The following CHD6 variants were observed in gnomAD, a reference collection of about 807,000 sequenced individuals.
CHD6 encodes the protein chromodomain helicase DNA binding protein 6, also known as ATP-dependent chromatin remodeler CHD6.
Under a neutral mutation model 276.9 loss-of-function variants are expected in CHD6, and 50 were observed. The observed-to-expected ratio is 0.18, with a 90% CI of 0.14 to 0.23. CHD6 has a LOEUF of 0.23. Ranked by LOEUF, CHD6 falls within the 10% of genes least tolerant of loss-of-function variation. CHD6 has a pLI of 1.00. For missense variants in CHD6, 2,564 were observed against 3,365.8 expected (o/e 0.76, Z 5.89); for synonymous variants, 1,173 against 1,229.3 (o/e 0.95, Z 0.96).
rs1409481828 is a variant in CHD6, at chr20:41,415,174, C to T, written c.6939+12G>A. 3.7e-6 allele frequency: 6 copies of T among 1,609,906 alleles called. No individual in the cohort carries two copies. Among genetic ancestry groups the T allele is most frequent in the Middle Eastern group, 1.6e-4 (1 of 6,068 alleles). Reference sequence around the variant, plus strand: ...AGGTAAATGTTTTTAATCTAATGACCTCAATACCCACCAAGATTCCCGCCT... The same window carrying T: ...AGGTAAATGTTTTTAATCTAATGACTTCAATACCCACCAAGATTCCCGCCT... On this transcript the variant is annotated intron_variant, in intron 34 of 36. Transcript: ENST00000373233.
chr20:41,583,458 AG>A (rs2045561671), intron 1 of CHD6, among the ~76,000 whole-genome samples: 1 of 152,152 alleles, frequency 6.6e-6, no homozygotes, highest in Non-Finnish European at 1.5e-5. Context: ...CAAAACAACC[AG>A]TTTTCAGATA....
chr20:41,609,861 T>C (rs1024263877), intron 1 of CHD6, among the ~76,000 whole-genome samples: 9 of 132,778 alleles, frequency 6.8e-5, no homozygotes, highest in African/African-American at 3.0e-4. Flanking sequence ...TTTTCTTTTT[T>C]TTTTTTTTTT....
Position 41,423,556 on chromosome 20 carries a change from C to T in CHD6, c.4491G>A (p.Gln1497=). 2 of 1,614,246 alleles carry T rather than the reference C, an allele frequency of 1.2e-6. No individual in the cohort carries two copies. Among genetic ancestry groups the T allele is most frequent in the Non-Finnish European group, 1.7e-6 (2 of 1,180,046 alleles). The change falls in exon 30 of 37, where the codon CAG becomes CAA. Residue 1497 remains glutamine, a synonymous_variant. Transcript: ENST00000373233. ...LDKKSDESLE[Q]YFYSFVAMCR... is the part of the protein sequence containing the mutation. ...ACATGGCCACAAAACTATAAAAATA[C>T]TGTTCCAGGCTCTCATCCGACTTCT...
rs867195927 is a variant in CHD6, at chr20:41,456,123, G to C, written c.2830-144C>G. 1.2e-4 allele frequency: 85 copies of C among 719,952 alleles called. No individual in the cohort carries two copies. In the Middle Eastern group the frequency reaches 3.0e-3, roughly 25 times the overall value. The allele number at this position is 719,952 out of a possible 1,614,324, so 44.6% of individuals were successfully genotyped here. On this transcript the variant is annotated intron_variant, in intron 18 of 36. Transcript: ENST00000373233. ...GGACGTGGGCAACAAACTTCAGCTA[G>C]TGAAATCCCAGATGCGATACTCTGG...
intron 2 of CHD6, 37 bp downstream of exon 2, chr20:41,551,268 C>T (rs1367422178): frequency 7.2e-7 from 1 of 1,386,568 alleles, no homozygotes; most frequent in South Asian, 1.2e-5. Context: ...ACCAAGATAC[C>T]CGGATGCATT....
At chr20:41,446,180 T>C (rs2048063081) in intron 24 of CHD6, among the ~76,000 whole-genome samples, 1 of 152,186 alleles carries the variant, frequency 6.6e-6, no homozygotes. Context: ...ATGTTTAAAA[T>C]AGTGCCCAAA....
At chr20:41,602,477 AG>A in intron 1 of CHD6, among the ~76,000 whole-genome samples, 1 of 152,312 alleles carries the variant, frequency 6.6e-6, no homozygotes, top group East Asian at 1.9e-4. Context: ...CTCAAGTTTA[AG>A]GGTGTTTAAC....
chr20:41,402,245 T>C lies in CHD6; in HGVS notation c.*2348A>G. The C allele has an allele frequency of 4.5e-6, 1 of 221,822 alleles. No individual in the cohort carries two copies. The highest frequency in any genetic ancestry group is 9.0e-6 in the Non-Finnish European group (1 of 110,750). The allele number at this position is 221,822 out of a possible 1,614,324, so 13.7% of individuals were successfully genotyped here. ...CTGAAGAGAGTTTAAATTTGGCTTT[T>C]GCTCTTGGAAACGTCAAAATAATCA... On this transcript the variant is annotated 3_prime_UTR_variant, in exon 37 of 37. Coordinates refer to ENST00000373233, the MANE Select transcript of CHD6 (RefSeq NM_032221.5).
chr20:41,489,706 T>C (rs2043502584), intron 12 of CHD6, 72 bp downstream of exon 12: 1 of 1,593,522 alleles, frequency 6.3e-7, no homozygotes, highest in Non-Finnish European at 8.6e-7. Context: ...CTGGAACTTC[T>C]GAAGATAAGT....
intron 17 of CHD6, among the ~76,000 whole-genome samples, chr20:41,464,018 A>T (rs1054297992): frequency 6.6e-6 from 1 of 152,206 alleles, no homozygotes; most frequent in African/African-American, 2.4e-5. Flanking sequence ...AGGGACAGAG[A>T]CACAAAGGAG....
At chr20:41,443,556 T>A (rs2047965949) in intron 25 of CHD6, among the ~76,000 whole-genome samples, 1 of 152,236 alleles carries the variant, frequency 6.6e-6, no homozygotes, top group Admixed American at 6.5e-5. Flanking sequence ...GTGTGTGATA[T>A]TGATTTGCCT....
chr20:41,445,653 A>G lies in CHD6; in HGVS notation c.3877+12T>C, dbSNP rs2048043406. 6.3e-7 allele frequency: 1 copy of G among 1,592,400 alleles called. No individual in the cohort carries two copies. On this transcript the variant is annotated intron_variant, in intron 25 of 36. Coordinates refer to ENST00000373233, the MANE Select transcript of CHD6 (RefSeq NM_032221.5). The stretch of plus-strand genomic sequence containing the variant: ...CTGATACAGAAGGGAACGCCTTCAG[A>G]GAAATACACACCATGCTTGAACACG...
chr20:41,552,589 T>C (rs1037701222), intron 1 of CHD6, among the ~76,000 whole-genome samples: 13 of 152,230 alleles, frequency 8.5e-5, no homozygotes, highest in Non-Finnish European at 1.8e-4. Flanking sequence ...TCTAAGTAAG[T>C]TCATGGCATG....
intron 1 of CHD6, among the ~76,000 whole-genome samples, chr20:41,565,118 T>G (rs1175579448): frequency 6.6e-6 from 1 of 150,810 alleles, no homozygotes; most frequent in Non-Finnish European, 1.5e-5. Flanking sequence ...TTTTTTGAGA[T>G]AGAGATTCAC....
chr20:41,438,455 T>C (rs1436828540), intron 26 of CHD6, among the ~76,000 whole-genome samples: 1 of 151,948 alleles, frequency 6.6e-6, no homozygotes, highest in Non-Finnish European at 1.5e-5. Context: ...CCAGGCGTGG[T>C]GGTGGGTGCC....
chr20:41,524,980 T>C (rs2044492306), intron 3 of CHD6, among the ~76,000 whole-genome samples: 1 of 152,234 alleles, frequency 6.6e-6, no homozygotes, highest in Admixed American at 6.5e-5. Flanking sequence ...ATGCTGCTCG[T>C]TTTCCTCTAC....
At chr20:41,554,079 G>A (rs1208664851) in intron 1 of CHD6, among the ~76,000 whole-genome samples, 1 of 152,186 alleles carries the variant, frequency 6.6e-6, no homozygotes, top group East Asian at 1.9e-4. Context: ...GAGTCTGGGA[G>A]GTCCAAGCTG....
chr20:41,541,034 A>C (rs1444809724), intron 2 of CHD6, among the ~76,000 whole-genome samples: 1 of 144,444 alleles, frequency 6.9e-6, no homozygotes, highest in Non-Finnish European at 1.5e-5. Context: ...TAAATGTAGA[A>C]AAAAAAAAAA....
At chr20:41,468,400 G>A (rs1249147806) in intron 17 of CHD6, among the ~76,000 whole-genome samples, 13 of 152,050 alleles carry the variant, frequency 8.5e-5, no homozygotes, top group South Asian at 4.2e-4. Context: ...ATGAGCCACC[G>A]CGCCCAGCCC....
Sources: gnomAD v4.1 joint callset for allele counts (sites outside exome capture counted in the v4.1 genomes callset) on GRCh38, gnomAD v4.1.1 for gene constraint, MANE v1.5 for transcripts, NCBI Gene and HGNC (gene_info 2026-07-23, HGNC 2026-07-21) for gene names.